CTNNA1: variants seen among roughly 807,000 people sequenced by gnomAD.
The protein encoded by CTNNA1 is catenin alpha-1.
In CTNNA1, 37 loss-of-function variants were observed where a neutral mutation model predicts 98.4. That is an observed-to-expected ratio of 0.38 (90% CI 0.29 to 0.49). CTNNA1 has a LOEUF of 0.49. Ranked by LOEUF, CTNNA1 falls within the 20% of genes least tolerant of loss-of-function variation. The pLI is 0.95. For synonymous variants in CTNNA1, 404 were observed against 413.2 expected, an observed-to-expected ratio of 0.98 and a Z score of 0.27; for missense variants, 761 against 1,147.2, an observed-to-expected ratio of 0.66 and a Z score of 4.86.
chr5:138,777,783 G>T (rs554395259), intron 1 of CTNNA1, among the ~76,000 whole-genome samples: 2 of 150,796 alleles, frequency 1.3e-5, no homozygotes, highest in African/African-American at 4.9e-5. Context: ...AGGCAGGGAG[G>T]CTGCAGCGAG....
intron 3 of CTNNA1, among the ~76,000 whole-genome samples, chr5:138,808,659 T>C (rs1487305321): frequency 6.8e-6 from 1 of 148,056 alleles, no homozygotes; most frequent in Non-Finnish European, 1.5e-5. Flanking sequence ...ATTTGATAGG[T>C]CTGTTGAGAA....
intron 5 of CTNNA1, among the ~76,000 whole-genome samples, chr5:138,817,534 A>G (rs1042249712): frequency 7.9e-5 from 12 of 152,120 alleles, no homozygotes; most frequent in African/African-American, 2.9e-4. Context: ...CTCCTTCTGG[A>G]ATTCCCATGA....
chr5:138,858,332 G>T (rs941705280), intron 7 of CTNNA1, among the ~76,000 whole-genome samples: 8 of 151,874 alleles, frequency 5.3e-5, no homozygotes, highest in African/African-American at 1.9e-4. Context: ...TTGCCATGTT[G>T]CCCAGGCTGA....
chr5:138,926,028 C>T (rs757582783), intron 13 of CTNNA1, among the ~76,000 whole-genome samples: 1 of 152,210 alleles, frequency 6.6e-6, no homozygotes, highest in South Asian at 2.1e-4. Context: ...AAGAATCATC[C>T]AGCCCCTGGG....
intron 7 of CTNNA1, among the ~76,000 whole-genome samples, chr5:138,879,863 G>C (rs1472583265): frequency 6.6e-6 from 1 of 152,178 alleles, no homozygotes; most frequent in African/African-American, 2.4e-5. Flanking sequence ...GTGTTTCTTT[G>C]GATGCACCTT....
chr5:138,870,680 C>A (rs1765253110), intron 7 of CTNNA1: 1 of 152,210 alleles, frequency 6.6e-6, no homozygotes. Flanking sequence ...CTCTGCTGTC[C>A]TTCAGGGCTG....
chr5:138,864,350 CTTA>C (rs1182099709), intron 7 of CTNNA1, among the ~76,000 whole-genome samples: 2 of 152,130 alleles, frequency 1.3e-5, no homozygotes, highest in Non-Finnish European at 2.9e-5. Context: ...AGTTACAAAT[CTTA>C]TTATGACCAT....
At position 138,873,540 on chromosome 5, in the gene CTNNA1, T is replaced by C. The variant is rs1480626587; in HGVS notation, c.1063-12672T>C. 1.9e-6 allele frequency: 3 copies of C among 1,614,012 alleles called. No individual in the cohort carries two copies. Among genetic ancestry groups the C allele is most frequent in the Non-Finnish European group, 2.5e-6 (3 of 1,179,900 alleles). On this transcript the variant is annotated intron_variant, in intron 7 of 17. Coordinates refer to ENST00000302763, the MANE Select transcript of CTNNA1 (RefSeq NM_001903.5). This position sits in a 1 kb window ranked among gnomAD's most constrained non-coding sequence, Gnocchi z 6.1. Reference sequence around the variant, plus strand: ...TCCTCTCCTTGGGTGTGGTCAGGACTGTGGCATAGGATGGAGTGTTCCCAC... The same window carrying C: ...TCCTCTCCTTGGGTGTGGTCAGGACCGTGGCATAGGATGGAGTGTTCCCAC...
intron 9 of CTNNA1, among the ~76,000 whole-genome samples, chr5:138,887,906 G>T (rs1366947773): frequency 6.6e-6 from 1 of 152,154 alleles, no homozygotes; most frequent in Non-Finnish European, 1.5e-5. Flanking sequence ...GATAAATCAT[G>T]ACATGACTAG....
chr5:138,928,863 A>G (rs555708015), intron 13 of CTNNA1, among the ~76,000 whole-genome samples: 13 of 152,138 alleles, frequency 8.5e-5, no homozygotes, highest in Non-Finnish European at 1.9e-4. Flanking sequence ...TGAACCCGGG[A>G]GGCGGAGGTT....
chr5:138,780,581 A>G (rs1430529172), intron 1 of CTNNA1, among the ~76,000 whole-genome samples: 1 of 150,174 alleles, frequency 6.7e-6, no homozygotes, highest in Non-Finnish European at 1.5e-5. Context: ...GCAATGGCAC[A>G]ATCTCGGCTC....
intron 7 of CTNNA1, among the ~76,000 whole-genome samples, chr5:138,864,114 C>T (rs1388292137): frequency 6.6e-6 from 1 of 152,202 alleles, no homozygotes; most frequent in African/African-American, 2.4e-5. Context: ...AGGTGCACCA[C>T]ACCCAGCTAC....
chr5:138,776,382 T>C (rs1215771982), intron 1 of CTNNA1, among the ~76,000 whole-genome samples: 1 of 152,064 alleles, frequency 6.6e-6, no homozygotes, highest in Non-Finnish European at 1.5e-5. Context: ...ATCAACAGGA[T>C]CACAAGGCAG....
intron 7 of CTNNA1, among the ~76,000 whole-genome samples, chr5:138,843,807 G>C (rs1449378949): frequency 1.3e-5 from 2 of 152,214 alleles, no homozygotes; most frequent in Non-Finnish European, 2.9e-5. Context: ...CAGTGGCCCA[G>C]CTGTACTTGG....
intron 10 of CTNNA1, among the ~76,000 whole-genome samples, chr5:138,915,039 C>T (rs1476936489): frequency 1.3e-5 from 2 of 152,120 alleles, no homozygotes; most frequent in Admixed American, 6.5e-5. Context: ...CCCAGTTATT[C>T]GGGAGGCTGA....
intron 7 of CTNNA1, chr5:138,875,008 T>C: frequency 8.0e-7 from 1 of 1,255,116 alleles, no homozygotes; most frequent in Non-Finnish European, 1.1e-6. Flanking sequence ...CTTTGACCAG[T>C]TTCCTGTTTT....
At chr5:138,776,540 G>A (rs1218337553) in intron 1 of CTNNA1, among the ~76,000 whole-genome samples, 2 of 152,136 alleles carry the variant, frequency 1.3e-5, no homozygotes, top group African/African-American at 4.8e-5. Context: ...ATCATGGCCC[G>A]TTCTCAATGA....
At position 138,827,622 on chromosome 5, in the gene CTNNA1, G is replaced by A. The variant is rs202198604; in HGVS notation, c.966G>A (p.Ser322=). Residue 322 remains serine (S), a synonymous_variant, in exon 7 of 18, where the codon TCG becomes TCA. Transcript: ENST00000302763. The stretch of plus-strand genomic sequence containing the variant: ...GTGGGGCTGCCTTGATGGCCGACTC[G>A]TCCTGCACGCGTGATGACCGTCGTG... ...IISGAALMAD[S]SCTRDDRRER... 6.8e-6 allele frequency: 11 copies of A among 1,614,220 alleles called. No homozygotes were observed. Among genetic ancestry groups the A allele is most frequent in the South Asian group, 2.2e-5 (2 of 91,088 alleles).
chr5:138,859,230 A>C (rs1764040421), intron 7 of CTNNA1, among the ~76,000 whole-genome samples: 1 of 152,246 alleles, frequency 6.6e-6, no homozygotes, highest in Non-Finnish European at 1.5e-5. Context: ...TGACTTGTTC[A>C]AGTGGCTTTG....
Sources: allele counts gnomAD v4.1 joint callset (sites outside exome capture counted in the v4.1 genomes callset), GRCh38; gene constraint gnomAD v4.1.1; non-coding constraint Gnocchi (gnomAD v3.1); transcripts MANE v1.5; gene names NCBI Gene and HGNC (gene_info 2026-07-23, HGNC 2026-07-21).